ITPRID1: variants seen among roughly 807,000 people sequenced by gnomAD.
ITPRID1 encodes ITPR interacting domain containing 1.
In ITPRID1, 96 loss-of-function variants were observed where a neutral mutation model predicts 95.4. The ratio of observed to expected loss-of-function variants is 1.01; its 90% CI spans 0.85 to 1.19. The LOEUF (loss-of-function observed/expected upper bound fraction) is 1.19. Among genes scored for constraint, ITPRID1 ranks in the 50% most tolerant of loss-of-function variants. The pLI is 0.00. For missense variants in ITPRID1, 1,339 were observed against 1,252.9 expected (o/e 1.07, Z -1.04); for synonymous variants, 510 against 453.6 (o/e 1.12, Z -1.58).
chr7:31,564,459 TA>T (rs958415446), intron 5 of ITPRID1, among the ~76,000 whole-genome samples: 1 of 152,054 alleles, frequency 6.6e-6, no homozygotes, highest in African/African-American at 2.4e-5. Context: ...AAATCTGGTT[TA>T]AAAAAACCTA....
rs1004607602 is a variant in ITPRID1, at chr7:31,619,923, C to T, written c.1229-22253C>T. Among the ~76,000 whole-genome samples the T allele has an allele frequency of 3.9e-5, 6 of 152,268 alleles. No individual in the cohort carries two copies. The East Asian group carries it at 5.8e-4, about 15-fold the overall frequency. Reference sequence around the variant, plus strand: ...CCACCCAAATACTGCGCTTTTCCGACGGGCTTAAAAAACGGCGCACCAGGA... The same window carrying T: ...CCACCCAAATACTGCGCTTTTCCGATGGGCTTAAAAAACGGCGCACCAGGA... On this transcript the variant is annotated intron_variant, in intron 10 of 14. Transcript: ENST00000615280.
intron 1 of ITPRID1, chr7:31,529,861 TC>T: frequency 6.7e-7 from 1 of 1,487,356 alleles, no homozygotes; most frequent in Non-Finnish European, 9.1e-7. Flanking sequence ...TTTCTTTTAA[TC>T]CAGCCTGTTG....
chr7:31,535,507 TG>T (rs1783730405), intron 1 of ITPRID1, among the ~76,000 whole-genome samples: 1 of 152,012 alleles, frequency 6.6e-6, no homozygotes, highest in Admixed American at 6.6e-5. Context: ...TATGTGTGTG[TG>T]GGTATATTCC....
At chr7:31,644,136 T>C (rs1790263693) in intron 12 of ITPRID1, among the ~76,000 whole-genome samples, 183 bp downstream of exon 12, 1 of 152,244 alleles carries the variant, frequency 6.6e-6, no homozygotes, top group Non-Finnish European at 1.5e-5. Flanking sequence ...TTCTTCTCGA[T>C]ACTTCCAATC....
Position 31,628,783 on chromosome 7 carries a change from G to A in ITPRID1, c.1229-13393G>A, listed in dbSNP as rs1168158192. On this transcript the variant is annotated intron_variant, in intron 10 of 14. Coordinates refer to ENST00000615280, the MANE Select transcript of ITPRID1 (RefSeq NM_001257967.3). ...AGCGTGATTCTTGATGGAAACTTTA[G>A]TTCTTCAGCTTGGTAACTACGAAAT... 3.3e-5 allele frequency among the ~76,000 whole-genome samples: 5 copies of A among 152,178 alleles called. No homozygotes were observed. In the East Asian group the frequency reaches 9.7e-4, roughly 29 times the overall value.
chr7:31,521,616 TTCCCTCCTTCCTTCC>T (rs1221653183), intron 1 of ITPRID1, among the ~76,000 whole-genome samples: 1,166 of 83,606 alleles, frequency 0.014, 25 homozygotes, highest in South Asian at 0.048. Flanking sequence ...TTTTTCTCCT[TTCCCTCCTTCCTTCC>T]TTCCTTCCTT....
chr7:31,571,440 C>A (rs147861251), intron 6 of ITPRID1, among the ~76,000 whole-genome samples: 1 of 152,102 alleles, frequency 6.6e-6, no homozygotes, highest in African/African-American at 2.4e-5. Flanking sequence ...AAATATATGC[C>A]AACTGGCTAT....
chr7:31,644,284 A>G (rs1423011560), intron 12 of ITPRID1, among the ~76,000 whole-genome samples: 3 of 78,514 alleles, frequency 3.8e-5, no homozygotes, highest in Non-Finnish European at 9.5e-5. Context: ...CTCCAGTTCT[A>G]GCTGAGAAGT....
At chr7:31,628,325 A>C (rs1030238365) in intron 10 of ITPRID1, among the ~76,000 whole-genome samples, 9 of 152,250 alleles carry the variant, frequency 5.9e-5, no homozygotes, top group Middle Eastern at 3.4e-3. Flanking sequence ...GCAAGGAAGG[A>C]CAAATAGAGA....
rs894648434 is a variant in ITPRID1 at position 31,653,034 on chromosome 7, G to T, written c.*205G>T. ...TAGAATAACTGAGCACCTAGTATGTGCCTGGCACAGAGTATGCAACAGTGA... is the reference window on the plus strand; with the variant it reads ...TAGAATAACTGAGCACCTAGTATGTTCCTGGCACAGAGTATGCAACAGTGA... On this transcript the variant is annotated 3_prime_UTR_variant, in exon 15 of 15. Transcript: ENST00000615280. 5.3e-6 allele frequency: 7 copies of T among 1,322,732 alleles called. No individual in the cohort carries two copies. The South Asian group carries it at 1.2e-4, about 22-fold the overall frequency. 81.9% of individuals were successfully genotyped at this position (1,322,732 alleles called of 1,614,324 possible). A position where few individuals can be genotyped will look rare whatever the true frequency, so the allele number is the denominator to read the frequency against.
chr7:31,640,563 A>G (rs556557325), intron 10 of ITPRID1, among the ~76,000 whole-genome samples: 147 of 152,238 alleles, frequency 9.7e-4, no homozygotes, highest in Non-Finnish European at 1.8e-3. Context: ...AAGCTGGGTA[A>G]CTATAGGGTT....
intron 5 of ITPRID1, among the ~76,000 whole-genome samples, chr7:31,564,354 CTT>C (rs1424767513): frequency 6.6e-6 from 1 of 152,020 alleles, no homozygotes; most frequent in Non-Finnish European, 1.5e-5. Flanking sequence ...TTTTTTCTCA[CTT>C]TAATTTTTCT....
At chr7:31,529,869 GT>G in intron 1 of ITPRID1, 1 of 1,416,996 alleles carries the variant, frequency 7.1e-7, no homozygotes, top group African/African-American at 1.4e-5. Context: ...AATCCAGCCT[GT>G]TGGGGAGGGG....
Position 31,643,077 on chromosome 7 carries a change from G to C in ITPRID1, c.1707G>C (p.Met569Ile). The change falls in exon 12 of 15, where the codon ATG (methionine) becomes ATC (isoleucine). Residue 569 changes from methionine to isoleucine, a missense_variant. By Grantham distance (10) the Met-to-Ile change is conservative (BLOSUM62 1). Transcript: ENST00000615280. ...TSKYDHPLGF[M>I]VTHVTEMQDS... ...AATATGATCATCCTCTGGGGTTTAT[G>C]GTAACCCACGTCACAGAAATGCAGG... 2 of 1,613,980 alleles carry C rather than the reference G, an allele frequency of 1.2e-6. No individual in the cohort carries two copies. Among genetic ancestry groups the C allele is most frequent in the Non-Finnish European group, 1.7e-6 (2 of 1,179,876 alleles).
chr7:31,524,435 C>A (rs1281343065), intron 1 of ITPRID1, among the ~76,000 whole-genome samples: 2 of 152,188 alleles, frequency 1.3e-5, no homozygotes, highest in Non-Finnish European at 2.9e-5. Flanking sequence ...ATGAGCAATT[C>A]ACAGCACATG....
intron 1 of ITPRID1, chr7:31,517,816 T>C (rs217153): frequency 0.87 from 132,142 of 152,474 alleles, 57,725 homozygotes; most frequent in African/African-American, 0.97. Flanking sequence ...ACGCCGAGGC[T>C]AAGGAGGTGC....
At chr7:31,642,098 C>T (rs1416090928) in intron 10 of ITPRID1, 78 bp from the exon 11 acceptor site, 1 of 916,828 alleles carries the variant, frequency 1.1e-6, no homozygotes, top group South Asian at 1.6e-5. Flanking sequence ...GTGTGTCAGG[C>T]ACCTAGAGGG....
At chr7:31,516,258 G>C (rs983312286) in intron 1 of ITPRID1, among the ~76,000 whole-genome samples, 2 of 152,032 alleles carry the variant, frequency 1.3e-5, no homozygotes, top group African/African-American at 4.8e-5. Flanking sequence ...TTTGTTGAAG[G>C]TTTCTGCGTG....
chr7:31,636,051 A>T (rs111382911), intron 10 of ITPRID1, among the ~76,000 whole-genome samples: 2,213 of 152,298 alleles, frequency 0.015, 66 homozygotes, highest in African/African-American at 0.05. Context: ...GCAGCAGGAG[A>T]GAGAATGAGA....
Sources: allele counts gnomAD v4.1 joint callset (sites outside exome capture counted in the v4.1 genomes callset), GRCh38; gene constraint gnomAD v4.1.1; transcripts MANE v1.5; gene names NCBI Gene and HGNC (gene_info 2026-07-23, HGNC 2026-07-21).